The following ACP6 variants were observed in gnomAD, a reference collection of about 807,000 sequenced individuals.
ACP6 encodes lysophosphatidic acid phosphatase type 6.
Under a neutral mutation model 48.1 loss-of-function variants are expected in ACP6, and 48 were observed. The ratio of observed to expected loss-of-function variants is 1.00; its 90% CI spans 0.79 to 1.27. ACP6 has a LOEUF of 1.27. Ranked by LOEUF, ACP6 falls within the 50% of genes most tolerant of loss-of-function variation. ACP6 has a pLI of 0.00. For missense variants in ACP6, 485 were observed against 529.1 expected, an observed-to-expected ratio of 0.92 and a Z score of 0.82; for synonymous variants, 172 against 204.2, an observed-to-expected ratio of 0.84 and a Z score of 1.34.
chr1:147,638,734 T>C (rs1553208309), downstream of ACP6, among the ~76,000 whole-genome samples: 1 of 152,192 alleles, frequency 6.6e-6, no homozygotes, highest in Non-Finnish European at 1.5e-5. Context: ...TCCACAAATA[T>C]ACTGCGAACA....
chr1:147,664,237 T>C (rs587765658), intron 1 of ACP6, among the ~76,000 whole-genome samples: 1 of 152,220 alleles, frequency 6.6e-6, no homozygotes, highest in Non-Finnish European at 1.5e-5. Context: ...CTAACCCCTC[T>C]GGATAAAAAA....
chr1:147,637,059 G>T (rs1316039139), intron 5 of ACP6, among the ~76,000 whole-genome samples: 2 of 152,260 alleles, frequency 1.3e-5, no homozygotes, highest in Non-Finnish European at 2.9e-5. Context: ...TTACACTGGG[G>T]TCACCAGATT....
intron 4 of ACP6, 64 bp downstream of exon 4, chr1:147,658,896 G>T (rs1333785818): frequency 4.0e-5 from 58 of 1,442,200 alleles, no homozygotes; most frequent in Non-Finnish European, 5.3e-5. Context: ...AAGAGATAGG[G>T]GCTTCGGAAG....
chr1:147,659,827 G>C, intron 1 of ACP6, 52 bp from the exon 2 acceptor site: 1 of 1,595,986 alleles, frequency 6.3e-7, no homozygotes, highest in Non-Finnish European at 8.5e-7. Context: ...TTCTTGAAAT[G>C]TATAGCATTA....
chr1:147,647,926 C>T, intron 9 of ACP6: 2 of 485,126 alleles, frequency 4.1e-6, no homozygotes, highest in African/African-American at 1.9e-5. Context: ...CCCAAAGATA[C>T]CACCAACAAT....
At chr1:147,651,168 A>G (rs1025354736) in intron 7 of ACP6, 2 of 152,238 alleles carry the variant, frequency 1.3e-5, no homozygotes, top group African/African-American at 4.8e-5. Flanking sequence ...TGTATGCAAC[A>G]CATACTTTTC....
intron 9 of ACP6, chr1:147,648,045 C>A (rs1330439835): frequency 3.3e-6 from 2 of 614,478 alleles, no homozygotes; most frequent in Non-Finnish European, 5.6e-6. Context: ...GGATAAGGCT[C>A]AAGCCCCATC....
At chr1:147,657,313 T>G (rs1464898266) in intron 4 of ACP6, among the ~76,000 whole-genome samples, 1 of 152,142 alleles carries the variant, frequency 6.6e-6, no homozygotes, top group Admixed American at 6.6e-5. Flanking sequence ...ACAGCCTGAT[T>G]CTCTGTAGCC....
chr1:147,633,955 A>G lies in ACP6; in HGVS notation c.461-2890T>C, dbSNP rs111521134. Among the ~76,000 whole-genome samples, 1,199 of 152,314 alleles carry G rather than the reference A, an allele frequency of 7.9e-3. 16 individuals carry two copies. Among genetic ancestry groups the G allele is most frequent in the African/African-American group, 0.027 (1,130 of 41,552 alleles). ...AGTACATTCACATTGTTGTGCAATC[A>G]TAATCGCCATCCATCTCCACAACTT... On this transcript the variant is annotated intron_variant, in intron 5 of 5. Transcript: ENST00000609196.
At chr1:147,650,076 T>A in intron 8 of ACP6, 67 bp downstream of exon 8, 1 of 1,417,454 alleles carries the variant, frequency 7.1e-7, no homozygotes, top group Non-Finnish European at 9.8e-7. Flanking sequence ...AGATTTGGGT[T>A]CCCTCCCTAC....
exon 6 of ACP6, chr1:147,630,074 T>G (rs1399584210): frequency 6.6e-6 from 1 of 152,162 alleles, no homozygotes; most frequent in Non-Finnish European, 1.5e-5. Context: ...AAACCAGATT[T>G]CTCTTGCAAA....
chr1:147,663,323 T>A (rs781955392), intron 1 of ACP6, among the ~76,000 whole-genome samples: 13 of 152,228 alleles, frequency 8.5e-5, no homozygotes, highest in Non-Finnish European at 1.3e-4. Flanking sequence ...AAAGAGAGAT[T>A]TTTATCAATG....
chr1:147,667,378 G>T (rs587764670), intron 1 of ACP6, among the ~76,000 whole-genome samples: 5 of 151,184 alleles, frequency 3.3e-5, no homozygotes, highest in African/African-American at 1.2e-4. Flanking sequence ...CCACCACACC[G>T]GGCTAATTTT....
chr1:147,647,652 T>TGATCCATGTGG, intron 9 of ACP6, 86 bp from the exon 10 acceptor site: 1 of 1,502,544 alleles, frequency 6.7e-7, no homozygotes. Context: ...TGAGAGGCTC[T>TGATCCATGTGG]GATCCATGTG....
Position 147,646,457 on chromosome 1 carries a change from AG to A in ACP6, c.*965del. On this transcript the variant is annotated 3_prime_UTR_variant, in exon 10 of 10. Coordinates refer to ENST00000583509, the MANE Select transcript of ACP6 (RefSeq NM_016361.5). ...TGGAAGTTGTCAATATTAAGATAGT[AG>A]GAAGTGGAGAGGCTTTTGTGGTTGC... The A allele has an allele frequency of 6.6e-6, 1 of 152,370 alleles. No individual in the cohort carries two copies. The highest frequency in any genetic ancestry group is 2.1e-4 in the South Asian group (1 of 4,828). 9.4% of individuals were successfully genotyped at this position (152,370 alleles called of 1,614,324 possible).
intron 1 of ACP6, among the ~76,000 whole-genome samples, chr1:147,666,776 C>T (rs782452928): frequency 1.3e-5 from 2 of 152,322 alleles, no homozygotes; most frequent in Admixed American, 1.3e-4. Flanking sequence ...ATGTTCACCA[C>T]GGTTAAGAAC....
downstream of ACP6, among the ~76,000 whole-genome samples, chr1:147,638,253 C>T (rs1659350492): frequency 2.0e-5 from 3 of 152,170 alleles, no homozygotes; most frequent in African/African-American, 7.2e-5. Flanking sequence ...AGCCATTGTT[C>T]TAAATGCTTT....
At position 147,647,106 on chromosome 1, in the gene ACP6, T is replaced by A. The variant is rs1659656325; in HGVS notation, c.*317A>T. The A allele has an allele frequency of 3.5e-6, 1 of 284,944 alleles. No individual in the cohort carries two copies. Among genetic ancestry groups the A allele is most frequent in the Admixed American group, 4.9e-5 (1 of 20,290 alleles). 17.7% of individuals were successfully genotyped at this position (284,944 alleles called of 1,614,324 possible). A position where few individuals can be genotyped will look rare whatever the true frequency, so the allele number is the denominator to read the frequency against. On this transcript the variant is annotated 3_prime_UTR_variant, in exon 10 of 10. Transcript: ENST00000583509. ...GTAGGTAGCTCAATACATGTGAAAT[T>A]AATATAGGAGAAAAGAACTAAAGTC...
chr1:147,635,974 G>A lies in ACP6; in HGVS notation c.461-4909C>T, dbSNP rs956002383. ...GCTATGAAAATATAGAGTTGCATAA[G>A]TCCTGAGGGGTTGGGGGAGTGGCTT... is the stretch of plus-strand genomic sequence containing the variant. On this transcript the variant is annotated intron_variant, in intron 5 of 5. Transcript: ENST00000609196. 9.2e-5 allele frequency among the ~76,000 whole-genome samples: 14 copies of A among 152,342 alleles called. No individual in the cohort carries two copies. The East Asian group carries it at 2.7e-3, about 29-fold the overall frequency.
Sources: gnomAD v4.1 joint callset for allele counts (sites outside exome capture counted in the v4.1 genomes callset) on GRCh38, gnomAD v4.1.1 for gene constraint, MANE v1.5 for transcripts, NCBI Gene and HGNC (gene_info 2026-07-23, HGNC 2026-07-21) for gene names.